The following MPHOSPH9 variants were observed in gnomAD, a reference collection of about 807,000 sequenced individuals.
MPHOSPH9 encodes the protein M-phase phosphoprotein 9.
MPHOSPH9 carries 88 observed loss-of-function variants against 145.5 expected under a neutral mutation model. That is an observed-to-expected ratio of 0.60 (90% CI 0.51 to 0.72). The LOEUF is 0.72. Among genes scored for constraint, MPHOSPH9 ranks in the 30% least tolerant of loss-of-function variants. The pLI, the probability that MPHOSPH9 is intolerant of heterozygous loss-of-function variation, is 0.00. For missense variants in MPHOSPH9, 1,238 were observed against 1,386.6 expected, an observed-to-expected ratio of 0.89 and a Z score of 1.70; for synonymous variants, 435 against 486.2, an observed-to-expected ratio of 0.89 and a Z score of 1.39.
chr12:123,172,871 CTTTTTTTTTTTTTTTT>C lies in MPHOSPH9; in HGVS notation c.2456+3801_2456+3816del, dbSNP rs1161727056. On this transcript the variant is annotated intron_variant, in intron 16 of 23. Transcript: ENST00000606320. ...TGTTAGACTTTCAGGTTTTCATTCA[CTTTTTTTTTTTTTTTT>C]TTTTTTTTTTTTGAGACAGAGCGGT... Among the ~76,000 whole-genome samples, 4 of 57,964 alleles carry C rather than the reference CTTTTTTTTTTTTTTTT, an allele frequency of 6.9e-5. 1 individual carries two copies. Among genetic ancestry groups the C allele is most frequent in the South Asian group, 9.3e-4 (1 of 1,078 alleles). The allele number at this position is 57,964 out of a possible 152,430, so 38.0% of individuals were successfully genotyped here. A position where few individuals can be genotyped will look rare whatever the true frequency, so the allele number is the denominator to read the frequency against.
chr12:123,188,456 G>T (rs1439333489), intron 13 of MPHOSPH9, among the ~76,000 whole-genome samples: 7 of 152,140 alleles, frequency 4.6e-5, no homozygotes, highest in Non-Finnish European at 1.0e-4. Flanking sequence ...AATATTTCCA[G>T]ACCCATAAGC....
intron 16 of MPHOSPH9, among the ~76,000 whole-genome samples, chr12:123,173,878 CA>C (rs2044704905): frequency 6.6e-6 from 1 of 152,190 alleles, no homozygotes; most frequent in Non-Finnish European, 1.5e-5. Context: ...GCAAATTAAT[CA>C]AACCCAAAGA....
chr12:123,223,334 TGGGAA>T (rs2047296748), intron 3 of MPHOSPH9, among the ~76,000 whole-genome samples: 1 of 151,888 alleles, frequency 6.6e-6, no homozygotes, highest in Non-Finnish European at 1.5e-5. Flanking sequence ...GCCTCAAGGC[TGGGAA>T]ACTTTCAGCC....
At chr12:123,175,821 T>TAA (rs75867409) in intron 16 of MPHOSPH9, among the ~76,000 whole-genome samples, 48 of 131,772 alleles carry the variant, frequency 3.6e-4, no homozygotes, top group Middle Eastern at 3.8e-3. Flanking sequence ...ATCTTTTCTT[T>TAA]AAAAAAAAAA....
At chr12:123,226,449 TA>T (rs1468433466) in intron 3 of MPHOSPH9, 1 of 331,488 alleles carries the variant, frequency 3.0e-6, no homozygotes, top group Non-Finnish European at 4.6e-6. Context: ...AACATTTCTA[TA>T]AAAAACTATC....
chr12:123,213,060 T>C (rs1042820799), intron 7 of MPHOSPH9, among the ~76,000 whole-genome samples: 3 of 151,686 alleles, frequency 2.0e-5, no homozygotes, highest in Admixed American at 1.3e-4. Context: ...GGGGTTTCAC[T>C]GTATTAGCCA....
At position 123,156,599 on chromosome 12, in the gene MPHOSPH9, T is replaced by G. The variant is rs530599708; in HGVS notation, c.*208A>C. The G allele has an allele frequency of 2.9e-5, 11 of 383,878 alleles. No individual in the cohort carries two copies. Among genetic ancestry groups the G allele is most frequent in the African/African-American group, 2.1e-4 (10 of 48,750 alleles). 23.8% of individuals were successfully genotyped at this position (383,878 alleles called of 1,614,324 possible). A position where few individuals can be genotyped will look rare whatever the true frequency, so the allele number is the denominator to read the frequency against. On this transcript the variant is annotated 3_prime_UTR_variant, in exon 24 of 24. Transcript: ENST00000606320. ...TTTAAAAATAATGCTTTTTAAATAG[T>G]AAAATATACAAGAGATTCCTGAGCA...
At chr12:123,193,184 T>C (rs1233345570) in intron 13 of MPHOSPH9, among the ~76,000 whole-genome samples, 1 of 148,794 alleles carries the variant, frequency 6.7e-6, no homozygotes, top group Non-Finnish European at 1.5e-5. Flanking sequence ...GAAGTGTCTG[T>C]GTTGCAGCAA....
chr12:123,154,396 G>A lies in MPHOSPH9; in HGVS notation c.*2411C>T, dbSNP rs896838667. 5 of 152,136 alleles carry A rather than the reference G, an allele frequency of 3.3e-5. No homozygotes were observed. Among genetic ancestry groups the A allele is most frequent in the African/African-American group, 7.2e-5 (3 of 41,428 alleles). The allele number at this position is 152,136 out of a possible 1,614,324, so 9.4% of individuals were successfully genotyped here. On this transcript the variant is annotated 3_prime_UTR_variant, in exon 24 of 24. Transcript: ENST00000606320. ...ATAAGCATTACCGAAGAGAAAGACA[G>A]CAGAAAGAACTTTCCTTGGTATCCC...
At chr12:123,180,014 A>T in intron 14 of MPHOSPH9, 24 bp from the exon 15 acceptor site, 1 of 1,202,930 alleles carries the variant, frequency 8.3e-7, no homozygotes, top group Non-Finnish European at 1.2e-6. Context: ...GGAGAAATTC[A>T]GATAACTGAA....
intron 12 of MPHOSPH9, among the ~76,000 whole-genome samples, chr12:123,196,010 G>A (rs2045927998): frequency 6.6e-6 from 1 of 151,924 alleles, no homozygotes; most frequent in African/African-American, 2.4e-5. Context: ...ACTCTAGCCT[G>A]GGCGATGGAG....
intron 6 of MPHOSPH9, among the ~76,000 whole-genome samples, chr12:123,216,956 C>A (rs926314075): frequency 1.3e-5 from 2 of 148,150 alleles, no homozygotes; most frequent in African/African-American, 2.5e-5. Context: ...GTCACTGCAA[C>A]CCAGCCTGGG....
chr12:123,240,013 G>A (rs2047906273), intron 1 of MPHOSPH9, among the ~76,000 whole-genome samples: 1 of 152,050 alleles, frequency 6.6e-6, no homozygotes, highest in South Asian at 2.1e-4. Flanking sequence ...ACTTAGCCTT[G>A]CCATGGGGTG....
chr12:123,191,662 G>A (rs1196260154), intron 13 of MPHOSPH9, among the ~76,000 whole-genome samples: 1 of 152,132 alleles, frequency 6.6e-6, no homozygotes, highest in Non-Finnish European at 1.5e-5. Flanking sequence ...GAAAAAATGA[G>A]ACTGATTCTA....
At chr12:123,162,036 A>G in intron 21 of MPHOSPH9, 79 bp downstream of exon 21, 1 of 886,444 alleles carries the variant, frequency 1.1e-6, no homozygotes, top group East Asian at 2.7e-5. Context: ...ATATTATAAT[A>G]TTTAGAACAC....
chr12:123,194,205 G>C (rs901382290), intron 13 of MPHOSPH9, among the ~76,000 whole-genome samples, 181 bp downstream of exon 13: 1 of 152,082 alleles, frequency 6.6e-6, no homozygotes, highest in Non-Finnish European at 1.5e-5. Context: ...GGAGGTGGAG[G>C]CTGCAGTGAG....
At chr12:123,180,252 T>G (rs575537747) in intron 14 of MPHOSPH9, among the ~76,000 whole-genome samples, 1 of 152,238 alleles carries the variant, frequency 6.6e-6, no homozygotes, top group South Asian at 2.1e-4. Flanking sequence ...TAGAAACAAA[T>G]CAGTGTTAAA....
intron 13 of MPHOSPH9, among the ~76,000 whole-genome samples, chr12:123,183,856 T>G (rs1013612832): frequency 9.2e-5 from 14 of 151,932 alleles, no homozygotes; most frequent in African/African-American, 3.4e-4. Context: ...AAATGGAACT[T>G]TGGAAATCCA....
At chr12:123,203,404 T>G in intron 8 of MPHOSPH9, 29 bp from the exon 9 acceptor site, 1 of 1,545,366 alleles carries the variant, frequency 6.5e-7, no homozygotes, top group Non-Finnish European at 8.8e-7. Context: ...AATTAAATGG[T>G]GTTATCAATA....
Sources: gnomAD v4.1 joint callset for allele counts (sites outside exome capture counted in the v4.1 genomes callset) on GRCh38, gnomAD v4.1.1 for gene constraint, MANE v1.5 for transcripts, NCBI Gene and HGNC (gene_info 2026-07-23, HGNC 2026-07-21) for gene names.